Variants in ANKRD28 observed in about 807,000 individuals in gnomAD.
ANKRD28 encodes the protein serine/threonine-protein phosphatase 6 regulatory ankyrin repeat subunit A.
ANKRD28 carries 44 observed loss-of-function variants against 126.5 expected under a neutral mutation model. The observed-to-expected ratio is 0.35, with a 90% CI of 0.27 to 0.45. ANKRD28 has a LOEUF of 0.45. Ranked by LOEUF, ANKRD28 falls within the 20% of genes least tolerant of loss-of-function variation. The pLI is 1.00. For synonymous variants in ANKRD28, 442 were observed against 468.5 expected (o/e 0.94, Z 0.73); for missense variants, 1,110 against 1,316.6 (o/e 0.84, Z 2.43).
chr3:15,677,013 T>C lies in ANKRD28; in HGVS notation c.2834A>G (p.Asp945Gly), dbSNP rs1275841703. The C allele has an allele frequency of 6.2e-7, 1 of 1,613,420 alleles. No individual in the cohort carries two copies. Among genetic ancestry groups the C allele is most frequent in the Non-Finnish European group, 8.5e-7 (1 of 1,179,610 alleles). The change falls in exon 26 of 28, where the codon GAT (aspartate) becomes GGT (glycine). Residue 945 changes from aspartate to glycine, a missense_variant. Coordinates refer to ENST00000683139, the MANE Select transcript of ANKRD28 (RefSeq NM_001349278.2). ...SALLILEKIT[D>G]RNLINATNAA... Reference sequence around the variant, plus strand: ...GTTGGTTGCATTGATGAGGTTTCTATCTGTTATCTTTTCCAGTATTAACAA... The same window carrying C: ...GTTGGTTGCATTGATGAGGTTTCTACCTGTTATCTTTTCCAGTATTAACAA...
In ANKRD28 at chr3:15,750,599, C is replaced by A. The variant is rs547705155; in HGVS notation, c.351+1151G>T. 7.9e-5 allele frequency among the ~76,000 whole-genome samples: 12 copies of A among 152,282 alleles called. No individual in the cohort carries two copies. In the East Asian group the frequency reaches 1.9e-3, roughly 24 times the overall value. Reference sequence around the variant, plus strand: ...CTAGGAGGCTACAGCTAATAGATTGCCTCTGTTAATTACAGGGTTTGTAAT... The same window carrying A: ...CTAGGAGGCTACAGCTAATAGATTGACTCTGTTAATTACAGGGTTTGTAAT... On this transcript the variant is annotated intron_variant, in intron 4 of 27. Coordinates refer to ENST00000683139, the MANE Select transcript of ANKRD28 (RefSeq NM_001349278.2).
At chr3:15,696,783 A>G (rs1239528611) in intron 14 of ANKRD28, among the ~76,000 whole-genome samples, 1 of 152,216 alleles carries the variant, frequency 6.6e-6, no homozygotes, top group Non-Finnish European at 1.5e-5. Context: ...GAAGGTATCC[A>G]TAAGAGATAC....
intron 4 of ANKRD28, among the ~76,000 whole-genome samples, chr3:15,744,015 C>T (rs913872533): frequency 6.6e-6 from 1 of 152,210 alleles, no homozygotes; most frequent in Non-Finnish European, 1.5e-5. Context: ...AAGCCACCTA[C>T]AGGTGAAAAA....
At position 15,850,204 on chromosome 3, in the gene ANKRD28, A is replaced by AAATATATAT. The variant is rs1486394619; in HGVS notation, c.27+9172_27+9173insATATATATT. 6.9e-4 allele frequency among the ~76,000 whole-genome samples: 38 copies of AAATATATAT among 54,824 alleles called. 2 individuals are homozygous for AAATATATAT. The highest frequency in any genetic ancestry group is 1.4e-3 in the Admixed American group (6 of 4,218). The allele number at this position is 54,824 out of a possible 152,430, so 36.0% of individuals were successfully genotyped here. A position where few individuals can be genotyped will look rare whatever the true frequency, so the allele number is the denominator to read the frequency against. On this transcript the variant is annotated intron_variant, in intron 1 of 27. Transcript: ENST00000399451. The stretch of plus-strand genomic sequence containing the variant: ...TCTACATGCAATAAAAAAAAAAAAA[A>AAATATATAT]ATATATATATATATATATATAGAGA...
chr3:15,685,661 G>A (rs2068025205), intron 20 of ANKRD28, among the ~76,000 whole-genome samples: 3 of 151,986 alleles, frequency 2.0e-5, no homozygotes, highest in African/African-American at 7.3e-5. Flanking sequence ...TATGAAAACA[G>A]GAAGAGAGAA....
At chr3:15,678,400 T>C (rs1230894573) in intron 23 of ANKRD28, 46 bp from the exon 24 acceptor site, 5 of 1,528,704 alleles carry the variant, frequency 3.3e-6, no homozygotes, top group Non-Finnish European at 3.5e-6. Context: ...TTGAATGTTA[T>C]ATATGCTGGA....
chr3:15,772,638 G>A (rs921045347), intron 2 of ANKRD28, among the ~76,000 whole-genome samples: 3 of 152,068 alleles, frequency 2.0e-5, no homozygotes, highest in Non-Finnish European at 4.4e-5. Context: ...TATAATCATC[G>A]CATTTAACAA....
Position 15,768,235 on chromosome 3 carries a change from T to A in ANKRD28, c.202-1923A>T, listed in dbSNP as rs2125574817. On this transcript the variant is annotated intron_variant, in intron 2 of 27. Transcript: ENST00000683139. Reference sequence around the variant, plus strand: ...AAAATTATACTTCATTTTGTAATAATTTTCTTGTTTAGGAATCCCTTAATT... The same window carrying A: ...AAAATTATACTTCATTTTGTAATAAATTTCTTGTTTAGGAATCCCTTAATT... Among the ~76,000 whole-genome samples, 3 of 152,310 alleles carry A rather than the reference T, an allele frequency of 2.0e-5. No homozygotes were observed. In the Middle Eastern group the frequency reaches 0.01, roughly 518 times the overall value.
intron 14 of ANKRD28, among the ~76,000 whole-genome samples, chr3:15,704,308 AT>A (rs1233445491): frequency 6.6e-6 from 1 of 152,020 alleles, no homozygotes; most frequent in East Asian, 1.9e-4. Flanking sequence ...GTCACGGAAG[AT>A]TTCATGTATT....
At chr3:15,825,448 G>A (rs1360679253) in intron 1 of ANKRD28, among the ~76,000 whole-genome samples, 2 of 152,140 alleles carry the variant, frequency 1.3e-5, no homozygotes, top group Middle Eastern at 3.2e-3. Context: ...AGAGTAAAGA[G>A]CCAATTCGGG....
rs2066195950 is a variant in ANKRD28 at position 15,670,035 on chromosome 3, A to G, written c.*235T>C. 2.1e-6 allele frequency: 1 copy of G among 478,054 alleles called. No individual in the cohort carries two copies. Among genetic ancestry groups the G allele is most frequent in the Non-Finnish European group, 3.7e-6 (1 of 269,794 alleles). The allele number at this position is 478,054 out of a possible 1,614,324, so 29.6% of individuals were successfully genotyped here. ...AAAACCAAATTAAACAATTCCACAA[A>G]GAATTCTGACATCAATGTGTTTTCC... On this transcript the variant is annotated 3_prime_UTR_variant, in exon 28 of 28. Transcript: ENST00000683139.
At chr3:15,744,551 A>T (rs2057348885) in intron 4 of ANKRD28, among the ~76,000 whole-genome samples, 1 of 150,116 alleles carries the variant, frequency 6.7e-6, no homozygotes, top group African/African-American at 2.5e-5. Context: ...TCCTGACCTC[A>T]GGTGATCTGC....
chr3:15,843,370 G>C lies in ANKRD28; in HGVS notation c.27+16007C>G, dbSNP rs1386677678. On this transcript the variant is annotated intron_variant, in intron 1 of 27. Transcript: ENST00000399451. The surrounding 1 kb of genome is among the most constrained non-coding windows in gnomAD (Gnocchi z 5.2). ...CACTAAAGATTACATGTCAACATGAGATGTGGGCAAGAACACACATCCAAA... is the reference window on the plus strand; with the variant it reads ...CACTAAAGATTACATGTCAACATGACATGTGGGCAAGAACACACATCCAAA... Among the ~76,000 whole-genome samples, 1 of 152,152 alleles carries C rather than the reference G, an allele frequency of 6.6e-6. No individual in the cohort carries two copies. The highest frequency in any genetic ancestry group is 2.4e-5 in the African/African-American group (1 of 41,426).
At chr3:15,756,714 G>C (rs771537118) in intron 3 of ANKRD28, among the ~76,000 whole-genome samples, 1 of 152,134 alleles carries the variant, frequency 6.6e-6, no homozygotes, top group Admixed American at 6.6e-5. Flanking sequence ...AGGTGAGGGG[G>C]AGGTGGATAT....
chr3:15,679,306 T>C lies in ANKRD28; in HGVS notation c.2556A>G (p.Lys852=). 1 of 1,613,840 alleles carries C rather than the reference T, an allele frequency of 6.2e-7. No individual in the cohort carries two copies. Among genetic ancestry groups the C allele is most frequent in the South Asian group, 1.1e-5 (1 of 91,078 alleles). Reference sequence around the variant, plus strand: ...ATACATAGTTGAATTCCTACCTTCCTTTTGAATCTGTGGCGTTCACAATGC... The same window carrying C: ...ATACATAGTTGAATTCCTACCTTCCCTTTGAATCTGTGGCGTTCACAATGC... ...GASIVNATDS[K]GRTPLHAAAF... is the part of the protein sequence containing the mutation. The change falls in exon 23 of 28, where the codon AAA becomes AAG. Residue 852 remains lysine, a synonymous_variant. Coordinates refer to ENST00000683139, the MANE Select transcript of ANKRD28 (RefSeq NM_001349278.2).
intron 27 of ANKRD28, 101 bp downstream of exon 27, chr3:15,675,797 C>A: frequency 3.0e-6 from 3 of 1,013,466 alleles, no homozygotes; most frequent in Non-Finnish European, 4.2e-6. Context: ...CTTTAGCTCT[C>A]CTCTTTGACC....
chr3:15,857,267 A>G (rs1006986862), intron 1 of ANKRD28, among the ~76,000 whole-genome samples: 1 of 152,308 alleles, frequency 6.6e-6, no homozygotes, highest in Non-Finnish European at 1.5e-5. Flanking sequence ...TCCCTGAGCC[A>G]TTAGGTTTAC....
intron 14 of ANKRD28, chr3:15,697,155 G>A (rs1368414402): frequency 6.6e-6 from 1 of 152,160 alleles, no homozygotes; most frequent in African/African-American, 2.4e-5. Context: ...ACCTGGAGTT[G>A]GAGATCATTA....
intron 2 of ANKRD28, among the ~76,000 whole-genome samples, chr3:15,792,573 A>AT (rs1247296392): frequency 6.6e-6 from 1 of 152,114 alleles, no homozygotes; most frequent in East Asian, 1.9e-4. Flanking sequence ...GGGAAGGGTA[A>AT]TGGGGGGTTG....
Sources: gnomAD v4.1 joint callset for allele counts (sites outside exome capture counted in the v4.1 genomes callset) on GRCh38, gnomAD v4.1.1 for gene constraint, Gnocchi (gnomAD v3.1) non-coding constraint, MANE v1.5 for transcripts, NCBI Gene and HGNC (gene_info 2026-07-23, HGNC 2026-07-21) for gene names.